Variants in PKD1L3 observed in about 807,000 individuals in gnomAD.
The protein encoded by PKD1L3 is polycystin 1 like 3, transient receptor potential channel interacting.
Under a neutral mutation model 184.1 loss-of-function variants are expected in PKD1L3, and 239 were observed. The observed-to-expected ratio is 1.30, with a 90% CI of 1.17 to 1.45. PKD1L3 has a LOEUF of 1.45. Ranked by LOEUF, PKD1L3 falls within the 40% of genes most tolerant of loss-of-function variation. PKD1L3 has a pLI of 0.00. For synonymous variants in PKD1L3, 996 were observed against 778.8 expected, an observed-to-expected ratio of 1.28 and a Z score of -4.64; for missense variants, 2,660 against 2,067.2, an observed-to-expected ratio of 1.29 and a Z score of -5.56.
chr16:71,973,768 G>C (rs990372889), intron 11 of PKD1L3, among the ~76,000 whole-genome samples: 1 of 152,090 alleles, frequency 6.6e-6, no homozygotes, highest in Non-Finnish European at 1.5e-5. Context: ...TTGGGAAGCT[G>C]ATGCGGGCGG....
At chr16:71,979,484 AACAAAACAAGAAAACAAAAAAC>A (rs1425054269) in intron 9 of PKD1L3, among the ~76,000 whole-genome samples, 1 of 152,078 alleles carries the variant, frequency 6.6e-6, no homozygotes, top group African/African-American at 2.4e-5. Context: ...AACAAAACAA[AACAAAACAAGAAAACAAAAAAC>A]ACAACAACAA....
intron 6 of PKD1L3, among the ~76,000 whole-genome samples, chr16:71,982,886 C>T (rs2040215396): frequency 6.6e-6 from 1 of 151,964 alleles, no homozygotes; most frequent in Admixed American, 6.6e-5. Flanking sequence ...GAGCCACACA[C>T]CTAGCACATG....
chr16:71,946,190 G>A (rs551709962), intron 22 of PKD1L3, among the ~76,000 whole-genome samples: 1 of 152,244 alleles, frequency 6.6e-6, no homozygotes, highest in South Asian at 2.1e-4. Flanking sequence ...ATGGAAGGCA[G>A]TTTAAAGTCA....
intron 5 of PKD1L3, among the ~76,000 whole-genome samples, chr16:71,985,334 G>A (rs2040314887): frequency 6.6e-6 from 1 of 152,034 alleles, no homozygotes; most frequent in Admixed American, 6.6e-5. Flanking sequence ...ATGTTCAACT[G>A]CATATAAACA....
rs761792271 is a variant in PKD1L3 at position 71,947,639 on chromosome 16, G to A, written c.3619-48C>T. 20 of 1,258,996 alleles carry A rather than the reference G, an allele frequency of 1.6e-5. 1 individual carries two copies. The South Asian group carries it at 2.6e-4, about 16-fold the overall frequency. 78.0% of individuals were successfully genotyped at this position (1,258,996 alleles called of 1,614,324 possible). On this transcript the variant is annotated intron_variant, in intron 21 of 29. Coordinates refer to ENST00000620267, the MANE Select transcript of PKD1L3 (RefSeq NM_181536.2). ...ATCGTGAGCAGACATTACAGACCCA[G>A]GAAGATAATACCGTATGTAAAGGAA...
At position 71,979,786 on chromosome 16, in the gene PKD1L3, T is replaced by G; in HGVS notation, c.1398A>C (p.Gln466His). ...TGATCACAATCAATTTCACACTCAC[T>G]TGGACATTAACTCCTGGATGTTTAT... ...LLNKHPGVNV[Q>H]ITGLAFNPFK... Residue 466 changes from glutamine (Q) to histidine (H), a missense_variant and splice_region_variant, in exon 9 of 30, where the codon CAA becomes CAC. Coordinates refer to ENST00000620267, the MANE Select transcript of PKD1L3 (RefSeq NM_181536.2). The G allele has an allele frequency of 6.7e-7, 1 of 1,498,070 alleles. No individual in the cohort carries two copies. Among genetic ancestry groups the G allele is most frequent in the Non-Finnish European group, 8.9e-7 (1 of 1,127,644 alleles). The allele number at this position is 1,498,070 out of a possible 1,614,324, so 92.8% of individuals were successfully genotyped here.
Position 71,943,046 on chromosome 16 carries a change from A to G in PKD1L3, c.3860-22T>C, listed in dbSNP as rs2038417201. 5 of 1,503,530 alleles carry G rather than the reference A, an allele frequency of 3.3e-6. No homozygotes were observed. The South Asian group carries it at 4.9e-5, about 15-fold the overall frequency. 93.1% of individuals were successfully genotyped at this position (1,503,530 alleles called of 1,614,324 possible). ...TGTACTTGTTTAGAAGAGGAAAAAA[A>G]TGTCATAGTTGAGTGGTTAACTTAG... On this transcript the variant is annotated intron_variant, in intron 23 of 29. Transcript: ENST00000620267.
At position 71,973,433 on chromosome 16, in the gene PKD1L3, C is replaced by T. The variant is rs761926092; in HGVS notation, c.1844G>A (p.Arg615Lys). The change falls in exon 12 of 30, where the codon AGG becomes AAG. Residue 615 changes from arginine (R) to lysine (K), a missense_variant. By Grantham distance (26) the Arg-to-Lys change is conservative. Transcript: ENST00000620267. Reference sequence around the variant, plus strand: ...GGGTGTCTGCTGAGCACCCTCCTGCCTCTCACTCAGCACAGCTGTTATATA... The same window carrying T: ...GGGTGTCTGCTGAGCACCCTCCTGCTTCTCACTCAGCACAGCTGTTATATA... Reference protein sequence around the residue: ...TYYITAVLSERQEGAQQTPSL... With the variant: ...TYYITAVLSEKQEGAQQTPSL... 1.3e-6 allele frequency: 2 copies of T among 1,551,746 alleles called. No individual in the cohort carries two copies. The highest frequency in any genetic ancestry group is 1.2e-5 in the South Asian group (1 of 84,056).
intron 22 of PKD1L3, among the ~76,000 whole-genome samples, chr16:71,946,326 C>T (rs2038601956): frequency 6.6e-6 from 1 of 152,194 alleles, no homozygotes; most frequent in African/African-American, 2.4e-5. Context: ...TTCCTTCTTT[C>T]CCTCACAGGT....
At chr16:71,930,453 T>G in intron 28 of PKD1L3, 1 of 285,672 alleles carries the variant, frequency 3.5e-6, no homozygotes. Context: ...ATGATTCAAA[T>G]GTCACATGAG....
chr16:71,943,537 C>CA (rs10693124), intron 23 of PKD1L3, among the ~76,000 whole-genome samples: 27,684 of 84,380 alleles, frequency 0.33, 5,268 homozygotes, highest in East Asian at 0.54. Context: ...GACTCCGTCT[C>CA]AAAAAAAAAA....
intron 24 of PKD1L3, among the ~76,000 whole-genome samples, chr16:71,941,295 A>G (rs1477628839): frequency 6.6e-6 from 1 of 152,174 alleles, no homozygotes; most frequent in Non-Finnish European, 1.5e-5. Context: ...GCATCCGTAA[A>G]AGAACAATAA....
intron 7 of PKD1L3, among the ~76,000 whole-genome samples, chr16:71,981,499 T>C (rs1323910540): frequency 6.6e-6 from 1 of 151,656 alleles, no homozygotes; most frequent in Non-Finnish European, 1.5e-5. Context: ...ACATAACCTG[T>C]TGAGTGTTTG....
intron 21 of PKD1L3, among the ~76,000 whole-genome samples, chr16:71,949,346 C>CTTTT (rs543483265): frequency 8.1e-6 from 1 of 122,814 alleles, no homozygotes; most frequent in Non-Finnish European, 1.7e-5. Context: ...TGTCAGTTTG[C>CTTTT]TTTTTTTTTT....
chr16:71,993,458 T>G, intron 2 of PKD1L3, 126 bp from the exon 3 acceptor site: 1 of 629,040 alleles, frequency 1.6e-6, no homozygotes, highest in Non-Finnish European at 2.6e-6. Context: ...CTATCCAGTT[T>G]TTTAAGGACA....
At position 71,963,525 on chromosome 16, in the gene PKD1L3, C is replaced by T. The variant is rs896010959; in HGVS notation, c.2466-174G>A. 2.6e-5 allele frequency among the ~76,000 whole-genome samples: 4 copies of T among 152,200 alleles called. No homozygotes were observed. The East Asian group carries it at 7.7e-4, about 29-fold the overall frequency. On this transcript the variant is annotated intron_variant, in intron 15 of 29. Coordinates refer to ENST00000620267, the MANE Select transcript of PKD1L3 (RefSeq NM_181536.2). ...GGCCAGACATGGTGATGCACACCTA[C>T]AATCCCAGCACTGCGTGAGGCTGAG... is the stretch of plus-strand genomic sequence containing the variant.
intron 4 of PKD1L3, among the ~76,000 whole-genome samples, chr16:71,988,889 C>G (rs765314161): frequency 1.3e-5 from 2 of 152,148 alleles, no homozygotes; most frequent in South Asian, 2.1e-4. Context: ...AAAAGATAAG[C>G]GTTATCTTAA....
At chr16:71,994,902 C>T (rs1352916069) in intron 2 of PKD1L3, among the ~76,000 whole-genome samples, 2 of 152,088 alleles carry the variant, frequency 1.3e-5, no homozygotes, top group Non-Finnish European at 2.9e-5. Flanking sequence ...GCAGGAGAAT[C>T]ACTTGAACCC....
At chr16:71,937,189 G>T in intron 25 of PKD1L3, 103 bp downstream of exon 25, 1 of 1,199,232 alleles carries the variant, frequency 8.3e-7, no homozygotes, top group Non-Finnish European at 1.1e-6. Context: ...CCGAGTAGCT[G>T]GGACCACAGG....
Sources: gnomAD v4.1 joint callset for allele counts (sites outside exome capture counted in the v4.1 genomes callset) on GRCh38, gnomAD v4.1.1 for gene constraint, MANE v1.5 for transcripts, NCBI Gene and HGNC (gene_info 2026-07-23, HGNC 2026-07-21) for gene names.